Variants in RTN4R observed in about 807,000 individuals in gnomAD.
The protein encoded by RTN4R is reticulon-4 receptor.
In RTN4R, 4 loss-of-function variants were observed where a neutral mutation model predicts 27.7. That is an observed-to-expected ratio of 0.14 (90% confidence interval 0.07 to 0.33). The LOEUF (loss-of-function observed/expected upper bound fraction) is 0.33, where lower values mean the gene tolerates loss of function less well. Among genes scored for constraint, RTN4R ranks in the 10% least tolerant of loss-of-function variants. The pLI is 1.00. For missense variants in RTN4R, 554 were observed against 671.5 expected, an observed-to-expected ratio of 0.83 and a Z score of 1.93; for synonymous variants, 290 against 305.6, an observed-to-expected ratio of 0.95 and a Z score of 0.53.
chr22:20,249,936 T>C (rs190846763), intron 1 of RTN4R, among the ~76,000 whole-genome samples: 141 of 152,284 alleles, frequency 9.3e-4, no homozygotes, highest in Non-Finnish European at 4.4e-4. Flanking sequence ...CAGGCTCCCA[T>C]TGGAGCCATC....
intron 1 of RTN4R, among the ~76,000 whole-genome samples, chr22:20,243,968 G>A (rs1198000181): frequency 6.6e-6 from 1 of 152,188 alleles, no homozygotes; most frequent in Admixed American, 6.5e-5. Flanking sequence ...TCCCTCCCGG[G>A]GTGCCGCATC....
intron 1 of RTN4R, among the ~76,000 whole-genome samples, chr22:20,259,520 G>A (rs1032900106): frequency 3.9e-5 from 6 of 152,182 alleles, no homozygotes; most frequent in East Asian, 1.9e-4. Flanking sequence ...AGGAGAGCTC[G>A]CCCCGCAGTC....
At chr22:20,265,288 A>G (rs1418979014) in intron 1 of RTN4R, among the ~76,000 whole-genome samples, 7 of 152,122 alleles carry the variant, frequency 4.6e-5, no homozygotes, top group Non-Finnish European at 8.8e-5. Context: ...CCTGCCTGTC[A>G]CTCACAGCAA....
intron 1 of RTN4R, chr22:20,243,477 C>T (rs147008571): frequency 2.1e-5 from 11 of 532,546 alleles, no homozygotes; most frequent in Middle Eastern, 3.3e-4. Flanking sequence ...ACAGAGCCCG[C>T]ATTGCAGGAG....
At chr22:20,253,851 A>C (rs2051197950) in intron 1 of RTN4R, among the ~76,000 whole-genome samples, 1 of 152,184 alleles carries the variant, frequency 6.6e-6, no homozygotes, top group Admixed American at 6.5e-5. Flanking sequence ...AATTAAAAAA[A>C]AAATCAATAC....
intron 1 of RTN4R, among the ~76,000 whole-genome samples, chr22:20,262,208 G>A (rs2051251875): frequency 1.3e-5 from 2 of 152,222 alleles, no homozygotes; most frequent in South Asian, 2.1e-4. Flanking sequence ...GGGTACGGAG[G>A]ATGTGACACT....
rs932131457 is a variant in RTN4R at position 20,268,239 on chromosome 22, G to T, written c.-147C>A. 1.1e-5 allele frequency: 2 copies of T among 188,712 alleles called. No homozygotes were observed. The highest frequency in any genetic ancestry group is 2.0e-5 in the Non-Finnish European group (2 of 102,362). 11.7% of individuals were successfully genotyped at this position (188,712 alleles called of 1,614,324 possible). A position where few individuals can be genotyped will look rare whatever the true frequency, so the allele number is the denominator to read the frequency against. On this transcript the variant is annotated 5_prime_UTR_variant, in exon 1 of 2. Transcript: ENST00000043402. ...GACGAGGCTCGGCGCGCTCCGCTCC[G>T]CCCGGCTCTGGCTGGGCTCGGGCCG...
chr22:20,244,744 T>C (rs1179323341), intron 1 of RTN4R, among the ~76,000 whole-genome samples: 1 of 152,128 alleles, frequency 6.6e-6, no homozygotes, highest in Non-Finnish European at 1.5e-5. Flanking sequence ...CTGTGCTATG[T>C]AAATGGCACT....
At chr22:20,259,869 C>T (rs2051234682) in intron 1 of RTN4R, among the ~76,000 whole-genome samples, 3 of 152,196 alleles carry the variant, frequency 2.0e-5, no homozygotes, top group Non-Finnish European at 4.4e-5. Flanking sequence ...TGTCAAGAAC[C>T]TCAAGGTCCC....
At chr22:20,243,201 G>A (rs1264856077) in intron 1 of RTN4R, 91 bp from the exon 2 acceptor site, 4 of 1,350,338 alleles carry the variant, frequency 3.0e-6, no homozygotes, top group Non-Finnish European at 4.1e-6. Context: ...CCCGGAGATT[G>A]GGTCTCAGGA....
At position 20,241,702 on chromosome 22, in the gene RTN4R, C is replaced by T. The variant is rs752510421; in HGVS notation, c.*9G>A. 2.4e-5 allele frequency: 37 copies of T among 1,549,138 alleles called. No individual in the cohort carries two copies. Among genetic ancestry groups the T allele is most frequent in the African/African-American group, 1.2e-4 (9 of 72,988 alleles). On this transcript the variant is annotated 3_prime_UTR_variant, in exon 2 of 2. Coordinates refer to ENST00000043402, the MANE Select transcript of RTN4R (RefSeq NM_023004.6). ...TGGCTGCTGAGCACGCTCTTGTGTC[C>T]GCTGGGGGTCAGCAGGGCCCAAGCA...
chr22:20,266,359 C>A (rs2051276462), intron 1 of RTN4R, among the ~76,000 whole-genome samples: 2 of 152,366 alleles, frequency 1.3e-5, no homozygotes, highest in Admixed American at 1.3e-4. Flanking sequence ...AGTGGGCCAC[C>A]CTTGCCCATC....
chr22:20,259,955 A>G (rs1244168610), intron 1 of RTN4R, among the ~76,000 whole-genome samples: 1 of 152,028 alleles, frequency 6.6e-6, no homozygotes, highest in East Asian at 1.9e-4. Flanking sequence ...GAAGCAAGTG[A>G]CCCCTGTGGG....
At chr22:20,245,495 G>A (rs1255984295) in intron 1 of RTN4R, among the ~76,000 whole-genome samples, 3 of 152,196 alleles carry the variant, frequency 2.0e-5, no homozygotes, top group Middle Eastern at 6.8e-3. Context: ...AGCCAGGTGG[G>A]GGGAGGGTGT....
rs533122367 is a variant in RTN4R at position 20,259,269 on chromosome 22, C to T, written c.22+8802G>A. 2.0e-5 allele frequency among the ~76,000 whole-genome samples: 3 copies of T among 152,324 alleles called. No homozygotes were observed. The East Asian group carries it at 5.8e-4, about 29-fold the overall frequency. ...CCATCTGTCTCAGCCATGACGGGTC[C>T]TCGCGGTGACATCCGGGAGGTATGT... is the stretch of plus-strand genomic sequence containing the variant. On this transcript the variant is annotated intron_variant, in intron 1 of 1. Transcript: ENST00000043402.
At chr22:20,250,174 G>C (rs970614260) in intron 1 of RTN4R, among the ~76,000 whole-genome samples, 11 of 152,256 alleles carry the variant, frequency 7.2e-5, no homozygotes, top group African/African-American at 9.6e-5. Flanking sequence ...CCGTGTCCGG[G>C]GGCCAGAGTG....
At position 20,242,967 on chromosome 22, in the gene RTN4R, G is replaced by A. The variant is rs2051118308; in HGVS notation, c.166C>T (p.Pro56Ser). The A allele has an allele frequency of 6.2e-7, 1 of 1,611,706 alleles. No individual in the cohort carries two copies. The highest frequency in any genetic ancestry group is 1.7e-5 in the Admixed American group (1 of 59,958). Residue 56 changes from proline (P) to serine (S), a missense_variant, in exon 2 of 2, where the codon CCT becomes TCT. Physicochemically the swap from Pro to Ser is moderately conservative, Grantham distance 74 (BLOSUM62 -1). Coordinates refer to ENST00000043402, the MANE Select transcript of RTN4R (RefSeq NM_023004.6). ...QGLQAVPVGI[P>S]AASQRIFLHG... ...AGGAAGATGCGCTGGCTGGCAGCAG[G>A]GATGCCCACGGGCACAGCCTGCAGG... is the stretch of plus-strand genomic sequence containing the variant.
In RTN4R at chr22:20,241,977, T is replaced by C. The variant is rs1483609019; in HGVS notation, c.1156A>G (p.Thr386Ala). 1 of 1,609,636 alleles carries C rather than the reference T, an allele frequency of 6.2e-7. No homozygotes were observed. Residue 386 changes from threonine (T) to alanine (A), a missense_variant, in exon 2 of 2, where the codon ACT becomes GCT. This residue lies in a region of RTN4R where 141 missense variants were observed against 129.2 expected (regional missense o/e 1.09). Transcript: ENST00000043402. Reference protein sequence around the residue: ...PRHINDSPFGTLPGSAEPPLT... With the variant: ...PRHINDSPFGALPGSAEPPLT... ...GGGGGCTCAGCAGAGCCAGGCAGAGTCCCAAAGGGTGAGTCATTGATGTGC... is the reference window on the plus strand; with the variant it reads ...GGGGGCTCAGCAGAGCCAGGCAGAGCCCCAAAGGGTGAGTCATTGATGTGC...
At chr22:20,265,777 G>A (rs2051273399) in intron 1 of RTN4R, among the ~76,000 whole-genome samples, 1 of 152,236 alleles carries the variant, frequency 6.6e-6, no homozygotes. Context: ...TGCTGAGTGG[G>A]GGTGTGGGGA....
Sources: allele counts gnomAD v4.1 joint callset (sites outside exome capture counted in the v4.1 genomes callset), GRCh38; gene constraint gnomAD v4.1.1; regional missense constraint gnomAD v4.1.1; transcripts MANE v1.5; gene names NCBI Gene and HGNC (gene_info 2026-07-23, HGNC 2026-07-21).